NAPSA: variants seen among roughly 807,000 people sequenced by gnomAD.
The protein encoded by NAPSA is napsin A aspartic peptidase.
A neutral mutation model predicts 36.7 loss-of-function variants in NAPSA; 37 were observed. The ratio of observed to expected loss-of-function variants is 1.01; its 90% confidence interval spans 0.78 to 1.33. The LOEUF is 1.33. NAPSA is among the 40% of genes most tolerant of loss of function. The pLI is 0.00. For synonymous variants in NAPSA, 222 were observed against 234.5 expected (o/e 0.95, Z 0.49); for missense variants, 532 against 543.8 (o/e 0.98, Z 0.21).
intron 7 of NAPSA, 196 bp from the exon 8 acceptor site, chr19:50,359,305 T>C: frequency 1.2e-6 from 1 of 860,876 alleles, no homozygotes; most frequent in East Asian, 2.7e-5. Context: ...CCGGCCACCA[T>C]CCGCAGAGTC....
At chr19:50,368,206 G>A (rs2037574017), upstream of NAPSA, among the ~76,000 whole-genome samples, 2 of 151,574 alleles carry the variant, frequency 1.3e-5, no homozygotes, top group Admixed American at 1.3e-4. Context: ...TAGGTGCGGT[G>A]GGGGTGCGTT....
At chr19:50,367,766 G>C (rs1188963399), upstream of NAPSA, among the ~76,000 whole-genome samples, 1 of 152,126 alleles carries the variant, frequency 6.6e-6, no homozygotes, top group Non-Finnish European at 1.5e-5. Flanking sequence ...GGTTCCAAAG[G>C]CAGCCATGCT....
At position 50,365,627 on chromosome 19, in the gene NAPSA, G is replaced by C. The variant is rs777497878; in HGVS notation, c.-6C>G. On this transcript the variant is annotated 5_prime_UTR_variant, in exon 1 of 9. Coordinates refer to ENST00000253719, the MANE Select transcript of NAPSA (RefSeq NM_004851.3). ...AGCAGCGGTGGTGGAGACATCGCTG[G>C]GGACCTGGGTGTGAACCCAGGTGTC... The C allele has an allele frequency of 1.2e-6, 2 of 1,604,296 alleles. No homozygotes were observed. Among genetic ancestry groups the C allele is most frequent in the Non-Finnish European group, 1.7e-6 (2 of 1,175,606 alleles).
chr19:50,360,910 G>T lies in NAPSA; in HGVS notation c.668+31C>A, dbSNP rs765948860. On this transcript the variant is annotated intron_variant, in intron 5 of 8. Coordinates refer to ENST00000253719, the MANE Select transcript of NAPSA (RefSeq NM_004851.3). ...AGACTCTCTTCCTTCTTGGGGATAG[G>T]ACTCATAGATAGGTGCACACTTCCC... 1.1e-4 allele frequency: 172 copies of T among 1,595,706 alleles called. 1 individual carries two copies. The highest frequency in any genetic ancestry group is 2.7e-5 in the Non-Finnish European group (31 of 1,166,686).
At chr19:50,363,745 G>A (rs779633593) in intron 1 of NAPSA, among the ~76,000 whole-genome samples, 2 of 151,846 alleles carry the variant, frequency 1.3e-5, no homozygotes, top group Non-Finnish European at 2.9e-5. Flanking sequence ...TGTATTTTTT[G>A]TAGAGGTGGA....
chr19:50,358,788 GCAA>G lies in NAPSA; in HGVS notation c.1036-11_1036-9del. The G allele has an allele frequency of 1.2e-6, 2 of 1,602,324 alleles. No homozygotes were observed. Among genetic ancestry groups the G allele is most frequent in the Non-Finnish European group, 1.7e-6 (2 of 1,174,376 alleles). Reference sequence around the variant, plus strand: ...GACGCCATTTCGAGTAGTCTGCAAGGCAACAAGACGACAACTGGGTGTCGCGGC... The same window carrying G: ...GACGCCATTTCGAGTAGTCTGCAAGGCAAGACGACAACTGGGTGTCGCGGC... On this transcript the variant is annotated splice_polypyrimidine_tract_variant and intron_variant, in intron 8 of 8. Transcript: ENST00000253719.
upstream of NAPSA, among the ~76,000 whole-genome samples, chr19:50,367,866 C>G (rs2037568794): frequency 6.6e-6 from 1 of 152,048 alleles, no homozygotes; most frequent in African/African-American, 2.4e-5. Context: ...AGTCAAAACC[C>G]TTAGAAATCG....
chr19:50,359,421 C>T, intron 7 of NAPSA, 82 bp downstream of exon 7: 1 of 1,572,912 alleles, frequency 6.4e-7, no homozygotes, highest in Non-Finnish European at 8.6e-7. Flanking sequence ...AAATACTTGC[C>T]TCCCACCCTC....
At chr19:50,364,946 C>A in intron 1 of NAPSA, among the ~76,000 whole-genome samples, 1 of 145,004 alleles carries the variant, frequency 6.9e-6, no homozygotes, top group Admixed American at 6.9e-5. Context: ...GAGCTGAGAT[C>A]GCCCCACTGC....
chr19:50,358,596 T>C lies in NAPSA; in HGVS notation c.1220A>G (p.Asp407Gly). The C allele has an allele frequency of 1.2e-6, 2 of 1,611,102 alleles. No individual in the cohort carries two copies. The highest frequency in any genetic ancestry group is 1.7e-6 in the Non-Finnish European group (2 of 1,179,258). The change falls in exon 9 of 9, where the codon GAC (aspartate) becomes GGC (glycine). Residue 407 changes from aspartate to glycine, a missense_variant. Transcript: ENST00000253719. ...CTGCGCAGTCTCTCCCCATCCGAGG[T>C]CCGCTCCGCGAGTGCGAGCGCGCGC... ...GLARARTRGADLGWGETAQAQ... is the reference protein window; with the variant it reads ...GLARARTRGAGLGWGETAQAQ...
intron 1 of NAPSA, among the ~76,000 whole-genome samples, chr19:50,365,311 G>A (rs2037533423): frequency 6.6e-6 from 1 of 152,188 alleles, no homozygotes; most frequent in South Asian, 2.1e-4. Flanking sequence ...TCCAGCCTGG[G>A]CAACAGAGTG....
intron 1 of NAPSA, 51 bp downstream of exon 1, chr19:50,365,488 A>G (rs1403943090): frequency 1.3e-6 from 2 of 1,567,172 alleles, no homozygotes; most frequent in East Asian, 2.3e-5. Flanking sequence ...TTAAAGGGCA[A>G]GAGGCAGAAA....
At chr19:50,359,673 G>A in intron 6 of NAPSA, 26 bp from the exon 7 acceptor site, 2 of 1,614,230 alleles carry the variant, frequency 1.2e-6, no homozygotes, top group Non-Finnish European at 1.7e-6. Flanking sequence ...GCAGTCATCA[G>A]AGGCAGGGTC....
At chr19:50,367,540 C>G (rs1049322567), upstream of NAPSA, among the ~76,000 whole-genome samples, 208 of 138,982 alleles carry the variant, frequency 1.5e-3, 1 homozygote, top group African/African-American at 5.3e-3. Flanking sequence ...GAGTCAGTCT[C>G]TCTCTCTCCC....
rs779568781 is a variant in NAPSA at position 50,358,637 on chromosome 19, G to T, written c.1179C>A (p.Ser393Arg). The T allele has an allele frequency of 6.2e-7, 1 of 1,612,860 alleles. No individual in the cohort carries two copies. The change falls in exon 9 of 9, where the codon AGC becomes AGA. Residue 393 changes from serine (S) to arginine (R), a missense_variant. This residue lies in a region of NAPSA where 385 missense variants were observed against 371.5 expected (regional missense o/e 1.04). Transcript: ENST00000253719. The stretch of plus-strand genomic sequence containing the variant: ...GAGCGCGCGCCAGGCCCACCCGGGC[G>T]CTGCTCTTCATGTCCCCGCGGTCGA... ...AVFDRGDMKS[S>R]ARVGLARART... is the part of the protein sequence containing the mutation.
In NAPSA at chr19:50,358,649, G is replaced by T. The variant is rs532728778; in HGVS notation, c.1167C>A (p.Asp389Glu). Reference protein sequence around the residue: ...GTYVAVFDRGDMKSSARVGLA... With the variant: ...GTYVAVFDRGEMKSSARVGLA... ...GGCCCACCCGGGCGCTGCTCTTCAT[G>T]TCCCCGCGGTCGAAGACGGCCACAT... is the stretch of plus-strand genomic sequence containing the variant. The change falls in exon 9 of 9, where the codon GAC becomes GAA. Residue 389 changes from aspartate to glutamate, a missense_variant. Coordinates refer to ENST00000253719, the MANE Select transcript of NAPSA (RefSeq NM_004851.3). The T allele has an allele frequency of 1.2e-6, 2 of 1,613,154 alleles. No individual in the cohort carries two copies. The highest frequency in any genetic ancestry group is 1.7e-5 in the Admixed American group (1 of 59,990).
At position 50,362,004 on chromosome 19, in the gene NAPSA, G is replaced by A. The variant is rs768712881; in HGVS notation, c.314C>T (p.Pro105Leu). The A allele has an allele frequency of 1.4e-5, 22 of 1,605,200 alleles. No individual in the cohort carries two copies. The highest frequency in any genetic ancestry group is 1.1e-4 in the East Asian group (5 of 44,674). Residue 105 changes from proline (P) to leucine (L), a missense_variant, in exon 3 of 9, where the codon CCG becomes CTG. Physicochemically the swap from Pro to Leu is moderately conservative, Grantham distance 98 (BLOSUM62 -3). Coordinates refer to ENST00000253719, the MANE Select transcript of NAPSA (RefSeq NM_004851.3). ...FDTGSSNLWV[P>L]SRRCHFFSVP... ...ACTGAAGAAGTGGCATCTCCTGGAC[G>A]GGACCCAGAGATTGGAGGAGCCAGT... is the stretch of plus-strand genomic sequence containing the variant.
At chr19:50,361,514 T>C (rs2037473050) in intron 4 of NAPSA, 149 bp downstream of exon 4, 3 of 717,484 alleles carry the variant, frequency 4.2e-6, no homozygotes, top group Non-Finnish European at 7.3e-6. Context: ...CACCATCCCT[T>C]CACTCTGAAA....
At position 50,358,677 on chromosome 19, in the gene NAPSA, G is replaced by C. The variant is rs142851463; in HGVS notation, c.1139C>G (p.Thr380Arg). 6.2e-7 allele frequency: 1 copy of C among 1,613,380 alleles called. No homozygotes were observed. The highest frequency in any genetic ancestry group is 2.2e-5 in the East Asian group (1 of 44,854). ...CCCGCGGTCGAAGACGGCCACATACGTCCCCAAGAAGACGTCACCGAGGAT... is the reference window on the plus strand; with the variant it reads ...CCCGCGGTCGAAGACGGCCACATACCTCCCCAAGAAGACGTCACCGAGGAT... The part of the protein sequence containing the change: ...FWILGDVFLG[T>R]YVAVFDRGDM... The change falls in exon 9 of 9, where the codon ACG becomes AGG. Residue 380 changes from threonine (T) to arginine (R), a missense_variant. By Grantham distance (71) the Thr-to-Arg change is moderately conservative (BLOSUM62 -1). This residue lies in a region of NAPSA where 385 missense variants were observed against 371.5 expected (regional missense o/e 1.04). Coordinates refer to ENST00000253719, the MANE Select transcript of NAPSA (RefSeq NM_004851.3).
Sources: gnomAD v4.1 joint callset for allele counts (sites outside exome capture counted in the v4.1 genomes callset) on GRCh38, gnomAD v4.1.1 for gene constraint, gnomAD v4.1.1 regional missense constraint, MANE v1.5 for transcripts, NCBI Gene and HGNC (gene_info 2026-07-23, HGNC 2026-07-21) for gene names.